The following LUC7L2 variants were observed in gnomAD, a reference collection of about 807,000 sequenced individuals.
LUC7L2 encodes the protein putative RNA-binding protein Luc7-like 2.
In LUC7L2, 25 loss-of-function variants were observed where a neutral mutation model predicts 52.8. The ratio of observed to expected loss-of-function variants is 0.47; its 90% CI spans 0.34 to 0.66. The LOEUF (loss-of-function observed/expected upper bound fraction) is 0.66, where lower values mean the gene tolerates loss of function less well. LUC7L2 is among the 30% of genes least tolerant of loss of function. The pLI is 0.01. For synonymous variants in LUC7L2, 144 were observed against 160.9 expected (o/e 0.89, Z 0.80); for missense variants, 328 against 497.8 (o/e 0.66, Z 3.25).
chr7:139,398,582 T>C lies in LUC7L2; in HGVS notation c.157-17T>C, dbSNP rs368837024. 2 of 1,581,924 alleles carry C rather than the reference T, an allele frequency of 1.3e-6. No homozygotes were observed. Among genetic ancestry groups the C allele is most frequent in the Non-Finnish European group, 1.7e-6 (2 of 1,170,346 alleles). On this transcript the variant is annotated splice_polypyrimidine_tract_variant and intron_variant, in intron 2 of 9. Transcript: ENST00000354926. ...AACTTTTTTTTGTTTTAATATTATG[T>C]CTTTTTTCCCTTCCAGAGAATGGAT...
chr7:139,359,210 C>A (rs1799724067), upstream of LUC7L2: 1 of 152,264 alleles, frequency 6.6e-6, no homozygotes, highest in African/African-American at 2.4e-5. Context: ...GAGATCGCCT[C>A]CCCAGTAGCT....
At chr7:139,378,745 A>AATTATAAGCTATTT (rs1156669911) in intron 2 of LUC7L2, among the ~76,000 whole-genome samples, 3 of 152,244 alleles carry the variant, frequency 2.0e-5, no homozygotes, top group Non-Finnish European at 4.4e-5. Flanking sequence ...ATAGCTCTGT[A>AATTATAAGCTATTT]ATTATAAGCT....
chr7:139,342,507 T>G (rs1268122601), intron 1 of LUC7L2, among the ~76,000 whole-genome samples: 2 of 152,250 alleles, frequency 1.3e-5, no homozygotes, highest in Non-Finnish European at 2.9e-5. Context: ...GAACTTAAAC[T>G]TTATTGTAAG....
intron 3 of LUC7L2, among the ~76,000 whole-genome samples, chr7:139,398,986 A>G (rs990499363): frequency 7.9e-5 from 12 of 152,204 alleles, no homozygotes; most frequent in Non-Finnish European, 1.6e-4. Flanking sequence ...AAGCAAATGT[A>G]AGCAACTAAT....
chr7:139,340,498 G>A, exon 1 of LUC7L2: 1 of 398,582 alleles, frequency 2.5e-6, no homozygotes, highest in Non-Finnish European at 4.4e-6. Context: ...AACGTCCGGA[G>A]CATCGGTGCA....
intron 2 of LUC7L2, among the ~76,000 whole-genome samples, chr7:139,390,533 C>T (rs899576582): frequency 1.3e-4 from 19 of 149,228 alleles, no homozygotes; most frequent in Non-Finnish European, 2.8e-4. Flanking sequence ...CTGGCCTAGT[C>T]TGTCTTATTA....
intron 9 of LUC7L2, among the ~76,000 whole-genome samples, chr7:139,421,669 A>G (rs1362935790): frequency 6.6e-6 from 1 of 152,240 alleles, no homozygotes; most frequent in Non-Finnish European, 1.5e-5. Context: ...CGATAGGCCA[A>G]ATCTGGCCGG....
chr7:139,363,322 C>A, intron 1 of LUC7L2: 1 of 804,582 alleles, frequency 1.2e-6, no homozygotes, highest in Non-Finnish European at 1.5e-6. Context: ...TAACTCATAC[C>A]CATATAACTG....
chr7:139,360,366 A>T, intron 1 of LUC7L2, 44 bp downstream of exon 1: 1 of 1,531,336 alleles, frequency 6.5e-7, no homozygotes, highest in Middle Eastern at 1.9e-4. Flanking sequence ...GGGGACGGGG[A>T]CGGCGAAGGG....
chr7:139,349,614 TCCC>T (rs10581534), intron 1 of LUC7L2, among the ~76,000 whole-genome samples: 2,796 of 134,422 alleles, frequency 0.021, 93 homozygotes, highest in African/African-American at 0.067. Context: ...TGTCAACTGC[TCCC>T]CCCCCCCCCA....
chr7:139,405,379 C>G (rs115104325), intron 4 of LUC7L2, among the ~76,000 whole-genome samples: 8 of 152,212 alleles, frequency 5.3e-5, no homozygotes, highest in African/African-American at 1.9e-4. Context: ...TGGAAGAAAT[C>G]GTATTTTACA....
intron 1 of LUC7L2, among the ~76,000 whole-genome samples, chr7:139,368,078 T>G (rs1800256802): frequency 1.3e-5 from 2 of 152,258 alleles, no homozygotes; most frequent in Non-Finnish European, 2.9e-5. Flanking sequence ...CAATTTAATT[T>G]ACTCCATTGT....
At chr7:139,350,985 G>T (rs1362388154) in intron 1 of LUC7L2, among the ~76,000 whole-genome samples, 2 of 152,032 alleles carry the variant, frequency 1.3e-5, no homozygotes, top group African/African-American at 4.8e-5. Context: ...ACATTCTTCT[G>T]TTTTTTTCTT....
chr7:139,360,492 A>AG (rs965603007), intron 1 of LUC7L2, among the ~76,000 whole-genome samples, 170 bp downstream of exon 1: 230 of 152,046 alleles, frequency 1.5e-3, no homozygotes, highest in African/African-American at 4.4e-3. Flanking sequence ...GCAGGCGGGC[A>AG]GGGGGGGCGG....
chr7:139,402,135 A>G lies in LUC7L2; in HGVS notation c.256-2A>G. 2 of 1,579,430 alleles carry G rather than the reference A, an allele frequency of 1.3e-6. No individual in the cohort carries two copies. The highest frequency in any genetic ancestry group is 1.7e-6 in the Non-Finnish European group (2 of 1,169,760). On this transcript the variant is annotated splice_acceptor_variant, in intron 3 of 9. Transcript: ENST00000354926. LOFTEE classifies it high-confidence loss of function. ...GTAATTGTCTTTAATTAAACTTTGT[A>G]GGCCATGGATCATCTGCAGTCATTC... is the stretch of plus-strand genomic sequence containing the variant.
chr7:139,413,612 T>C (rs1795464905), intron 8 of LUC7L2, among the ~76,000 whole-genome samples: 1 of 152,114 alleles, frequency 6.6e-6, no homozygotes. Flanking sequence ...ACTCCATCTC[T>C]ACTAAAAACA....
chr7:139,341,574 C>T (rs760682035), intron 1 of LUC7L2: 6 of 1,591,092 alleles, frequency 3.8e-6, no homozygotes, highest in Non-Finnish European at 1.7e-6. Flanking sequence ...GAGGAAGAGC[C>T]GGGTCTGGGC....
At chr7:139,367,516 A>G (rs1032547581) in intron 1 of LUC7L2, among the ~76,000 whole-genome samples, 2 of 152,146 alleles carry the variant, frequency 1.3e-5, no homozygotes, top group African/African-American at 4.8e-5. Context: ...TTTTTTCTTG[A>G]CTTAATTGTG....
intron 2 of LUC7L2, among the ~76,000 whole-genome samples, chr7:139,384,370 A>G (rs1794099832): frequency 6.6e-6 from 1 of 151,584 alleles, no homozygotes; most frequent in Admixed American, 6.6e-5. Context: ...GGTTCAACCG[A>G]TTCTCCTGCC....
Sources: gnomAD v4.1 joint callset for allele counts (sites outside exome capture counted in the v4.1 genomes callset) on GRCh38, gnomAD v4.1.1 for gene constraint, MANE v1.5 for transcripts, NCBI Gene and HGNC (gene_info 2026-07-23, HGNC 2026-07-21) for gene names.